The following PKIA variants were observed in gnomAD, a reference collection of about 807,000 sequenced individuals.
The protein encoded by PKIA is cAMP-dependent protein kinase inhibitor alpha.
In PKIA, 4 loss-of-function variants were observed where a neutral mutation model predicts 7.6. The observed-to-expected ratio is 0.52, with a 90% CI of 0.26 to 1.20. The LOEUF (loss-of-function observed/expected upper bound fraction) is 1.20. Ranked by LOEUF, PKIA falls within the 50% of genes most tolerant of loss-of-function variation. The pLI is 0.13. For missense variants in PKIA, 73 were observed against 86.2 expected, an observed-to-expected ratio of 0.85 and a Z score of 0.61; for synonymous variants, 21 against 30.7, an observed-to-expected ratio of 0.68 and a Z score of 1.04.
intron 1 of PKIA, chr8:78,535,797 C>T (rs1160966923): frequency 6.6e-6 from 1 of 152,024 alleles, no homozygotes; most frequent in Non-Finnish European, 1.5e-5. Context: ...CTATTTACAT[C>T]GCATTTACTT....
intron 1 of PKIA, among the ~76,000 whole-genome samples, chr8:78,523,042 T>C (rs1220748154): frequency 6.6e-6 from 1 of 151,918 alleles, no homozygotes; most frequent in Non-Finnish European, 1.5e-5. Context: ...ACAGTCTCTA[T>C]TGCATCGGCC....
At chr8:78,545,666 T>C (rs796564915) in intron 1 of PKIA, among the ~76,000 whole-genome samples, 8 of 152,276 alleles carry the variant, frequency 5.3e-5, no homozygotes, top group African/African-American at 1.9e-4. Context: ...TGATAATAAT[T>C]CTCATCAATA....
At chr8:78,548,542 T>G (rs1342402076) in intron 1 of PKIA, among the ~76,000 whole-genome samples, 2 of 152,132 alleles carry the variant, frequency 1.3e-5, no homozygotes, top group African/African-American at 4.8e-5. Context: ...TTTTGATACA[T>G]ACATCCACCT....
At chr8:78,524,026 A>G (rs1809479332) in intron 1 of PKIA, among the ~76,000 whole-genome samples, 1 of 135,216 alleles carries the variant, frequency 7.4e-6, no homozygotes, top group Non-Finnish European at 1.6e-5. Flanking sequence ...ATAAACGTTT[A>G]TATAAACGTT....
intron 1 of PKIA, among the ~76,000 whole-genome samples, chr8:78,518,544 G>A (rs1221632771): frequency 2.0e-5 from 3 of 152,104 alleles, no homozygotes; most frequent in African/African-American, 7.2e-5. Flanking sequence ...TAGTACAATT[G>A]ATCTTAGAAA....
At chr8:78,550,346 C>CTATCAGAA (rs1806952547) in intron 1 of PKIA, among the ~76,000 whole-genome samples, 2 of 152,016 alleles carry the variant, frequency 1.3e-5, no homozygotes, top group Non-Finnish European at 2.9e-5. Context: ...AGATGGTTCC[C>CTATCAGAA]AGGTCTATCA....
intron 2 of PKIA, among the ~76,000 whole-genome samples, chr8:78,594,123 C>T (rs1196644970): frequency 6.6e-6 from 1 of 152,086 alleles, no homozygotes; most frequent in Admixed American, 6.6e-5. Flanking sequence ...ATTAAGTGCC[C>T]TGTAGGGTAC....
chr8:78,547,294 G>A (rs563218780), intron 1 of PKIA, among the ~76,000 whole-genome samples: 2 of 151,852 alleles, frequency 1.3e-5, no homozygotes, highest in South Asian at 2.1e-4. Flanking sequence ...TATTAGAGAC[G>A]GGGTTTCACC....
rs1808382524 is a variant in PKIA at position 78,602,747 on chromosome 8, G to A, written c.*926G>A. The stretch of plus-strand genomic sequence containing the variant: ...TATGAGAATTTTGGACAATTGGAAA[G>A]GTAGAAAAGAAAAGCCAAGATCATA... On this transcript the variant is annotated 3_prime_UTR_variant, in exon 4 of 4. Transcript: ENST00000396418. 1 of 145,126 alleles carries A rather than the reference G, an allele frequency of 6.9e-6. No homozygotes were observed. The highest frequency in any genetic ancestry group is 1.5e-5 in the Non-Finnish European group (1 of 66,206). The allele number at this position is 145,126 out of a possible 1,614,324, so 9.0% of individuals were successfully genotyped here. A position where few individuals can be genotyped will look rare whatever the true frequency, so the allele number is the denominator to read the frequency against.
intron 3 of PKIA, among the ~76,000 whole-genome samples, chr8:78,598,791 T>G (rs940004676): frequency 2.0e-5 from 3 of 152,030 alleles, no homozygotes; most frequent in Admixed American, 1.3e-4. Flanking sequence ...ATAAAACACA[T>G]GGTGTGTTTT....
intron 1 of PKIA, among the ~76,000 whole-genome samples, chr8:78,563,625 A>G (rs554783164): frequency 6.6e-6 from 1 of 152,254 alleles, no homozygotes; most frequent in East Asian, 1.9e-4. Context: ...AATGGAGATC[A>G]CCGGTGTCCT....
At chr8:78,556,586 A>G (rs1209675615) in intron 1 of PKIA, 1 of 152,152 alleles carries the variant, frequency 6.6e-6, no homozygotes, top group East Asian at 1.9e-4. Flanking sequence ...CTCTTCATCA[A>G]AAACAGGCTG....
chr8:78,557,437 T>C, intron 1 of PKIA, among the ~76,000 whole-genome samples: 1 of 152,188 alleles, frequency 6.6e-6, no homozygotes, highest in East Asian at 1.9e-4. Flanking sequence ...TAAACAATAA[T>C]GCATTAAACT....
chr8:78,569,173 A>G (rs994459496), intron 1 of PKIA, among the ~76,000 whole-genome samples: 21 of 152,160 alleles, frequency 1.4e-4, no homozygotes, highest in African/African-American at 4.8e-4. Context: ...GGGTCAGGGG[A>G]GACCAGTGAG....
chr8:78,533,394 T>C (rs1806441517), intron 1 of PKIA, among the ~76,000 whole-genome samples: 1 of 152,146 alleles, frequency 6.6e-6, no homozygotes. Context: ...TTAAAATAGA[T>C]ATAGATTTTA....
intron 2 of PKIA, among the ~76,000 whole-genome samples, chr8:78,575,209 C>A (rs2118570202): frequency 6.6e-6 from 1 of 152,042 alleles, no homozygotes; most frequent in South Asian, 2.1e-4. Context: ...AAACACACCA[C>A]CAAAACTAAG....
intron 1 of PKIA, among the ~76,000 whole-genome samples, chr8:78,551,550 C>T (rs1213882910): frequency 2.0e-5 from 3 of 151,930 alleles, no homozygotes; most frequent in African/African-American, 7.2e-5. Flanking sequence ...GAACTTTTAA[C>T]TTTACATATT....
intron 1 of PKIA, among the ~76,000 whole-genome samples, chr8:78,569,142 T>A (rs1333909383): frequency 1.3e-5 from 2 of 152,204 alleles, no homozygotes; most frequent in Non-Finnish European, 2.9e-5. Flanking sequence ...TAGGAGGCAC[T>A]GTACTTTCCT....
rs1585901200 is a variant in PKIA at position 78,562,403 on chromosome 8, A to G, written c.-156-10408A>G. ...TCTCTTTAAAACCACAAAGCATATGATACATTTGTCCTGCTTAAAACTTCT... is the reference window on the plus strand; with the variant it reads ...TCTCTTTAAAACCACAAAGCATATGGTACATTTGTCCTGCTTAAAACTTCT... On this transcript the variant is annotated intron_variant, in intron 1 of 3. Coordinates refer to ENST00000396418, the MANE Select transcript of PKIA (RefSeq NM_006823.4). Among the ~76,000 whole-genome samples, 3 of 152,268 alleles carry G rather than the reference A, an allele frequency of 2.0e-5. No individual in the cohort carries two copies. The Middle Eastern group carries it at 0.01, about 518-fold the overall frequency.
Sources: allele counts gnomAD v4.1 joint callset (sites outside exome capture counted in the v4.1 genomes callset), GRCh38; gene constraint gnomAD v4.1.1; transcripts MANE v1.5; gene names NCBI Gene and HGNC (gene_info 2026-07-23, HGNC 2026-07-21).